The following PTPN12 variants were observed in gnomAD, a reference collection of about 807,000 sequenced individuals.
PTPN12 encodes the protein tyrosine-protein phosphatase non-receptor type 12.
A neutral mutation model predicts 97.6 loss-of-function variants in PTPN12; 29 were observed. The ratio of observed to expected loss-of-function variants is 0.30; its 90% CI spans 0.22 to 0.41. The LOEUF (loss-of-function observed/expected upper bound fraction) is 0.41. PTPN12 is among the 10% of genes least tolerant of loss of function. PTPN12 has a pLI of 1.00. For missense variants in PTPN12, 819 were observed against 926.0 expected (o/e 0.88, Z 1.50); for synonymous variants, 327 against 300.4 (o/e 1.09, Z -0.91).
chr7:77,595,579 CATTA>C (rs1451557712), intron 6 of PTPN12, among the ~76,000 whole-genome samples: 1 of 152,086 alleles, frequency 6.6e-6, no homozygotes, highest in African/African-American at 2.4e-5. Context: ...CATCTATATG[CATTA>C]ATTTATGAAT....
At chr7:77,618,818 G>A (rs1788839739) in intron 12 of PTPN12, among the ~76,000 whole-genome samples, 2 of 152,104 alleles carry the variant, frequency 1.3e-5, no homozygotes, top group South Asian at 2.1e-4. Flanking sequence ...TTTATGTTTT[G>A]ATATGTGATA....
At chr7:77,566,066 G>A (rs1808243213) in intron 1 of PTPN12, among the ~76,000 whole-genome samples, 1 of 152,154 alleles carries the variant, frequency 6.6e-6, no homozygotes, top group South Asian at 2.1e-4. Context: ...AGGAGGGAAG[G>A]TTCAAGAAAG....
chr7:77,625,691 T>C (rs1210694199), intron 12 of PTPN12, among the ~76,000 whole-genome samples: 1 of 142,136 alleles, frequency 7.0e-6, no homozygotes, highest in African/African-American at 2.6e-5. Context: ...TGCCTCAGCC[T>C]CCCAAGTATC....
chr7:77,564,641 A>G (rs1808147722), intron 1 of PTPN12, among the ~76,000 whole-genome samples: 1 of 151,684 alleles, frequency 6.6e-6, no homozygotes, highest in South Asian at 2.1e-4. Context: ...TTTATTTACT[A>G]TACAAAGTAT....
chr7:77,583,119 T>C (rs539875498), intron 3 of PTPN12, among the ~76,000 whole-genome samples: 1 of 152,318 alleles, frequency 6.6e-6, no homozygotes, highest in East Asian at 1.9e-4. Flanking sequence ...AGTAGATGCT[T>C]GATAAACTTT....
intron 5 of PTPN12, among the ~76,000 whole-genome samples, chr7:77,586,369 C>T (rs1365809614): frequency 6.6e-6 from 1 of 152,130 alleles, no homozygotes; most frequent in Non-Finnish European, 1.5e-5. Flanking sequence ...TGATGGCTGC[C>T]GACTGATCAA....
chr7:77,585,839 G>A (rs937605335), intron 5 of PTPN12, among the ~76,000 whole-genome samples: 3 of 152,002 alleles, frequency 2.0e-5, no homozygotes, highest in Non-Finnish European at 4.4e-5. Flanking sequence ...CCACAATAGC[G>A]CAATTCAAAC....
At chr7:77,543,436 A>T (rs1807079063) in intron 1 of PTPN12, among the ~76,000 whole-genome samples, 1 of 149,490 alleles carries the variant, frequency 6.7e-6, no homozygotes, top group Non-Finnish European at 1.5e-5. Flanking sequence ...GGAAGATCTT[A>T]TGTTGCAGTC....
At chr7:77,630,168 T>G (rs533524493) in intron 13 of PTPN12, among the ~76,000 whole-genome samples, 2 of 152,320 alleles carry the variant, frequency 1.3e-5, no homozygotes, top group South Asian at 4.1e-4. Flanking sequence ...TCATTTTTAA[T>G]GTGTTGCCAA....
At chr7:77,558,210 CA>C (rs61149538) in intron 1 of PTPN12, among the ~76,000 whole-genome samples, 42,416 of 92,948 alleles carry the variant, frequency 0.46, 5,661 homozygotes, top group African/African-American at 0.54. Context: ...GACTCCATCT[CA>C]AAAAAAAAAA....
At chr7:77,539,773 C>G (rs1281634685) in intron 1 of PTPN12, among the ~76,000 whole-genome samples, 2 of 152,118 alleles carry the variant, frequency 1.3e-5, no homozygotes, top group Non-Finnish European at 2.9e-5. Flanking sequence ...AGATTATAGG[C>G]ACGTGCCACC....
intron 1 of PTPN12, among the ~76,000 whole-genome samples, chr7:77,551,338 G>C (rs1199048182): frequency 1.3e-5 from 2 of 152,226 alleles, no homozygotes; most frequent in Admixed American, 6.5e-5. Context: ...TGAGATTACA[G>C]GCATGACAGT....
intron 9 of PTPN12, 94 bp from the exon 10 acceptor site, chr7:77,610,671 A>G: frequency 7.9e-7 from 1 of 1,262,170 alleles, no homozygotes; most frequent in East Asian, 2.5e-5. Context: ...GCAGTAAACC[A>G]GCAGGTATTT....
chr7:77,582,821 T>C (rs1787566381), intron 3 of PTPN12, among the ~76,000 whole-genome samples: 1 of 151,854 alleles, frequency 6.6e-6, no homozygotes. Context: ...AAAATTATTA[T>C]CTATGTCAAT....
At chr7:77,585,872 A>G (rs897515852) in intron 5 of PTPN12, among the ~76,000 whole-genome samples, 10 of 152,260 alleles carry the variant, frequency 6.6e-5, no homozygotes, top group African/African-American at 2.2e-4. Flanking sequence ...TTCTTAGTGC[A>G]TATAAAAGTC....
chr7:77,620,213 T>G (rs1011793504), intron 12 of PTPN12, among the ~76,000 whole-genome samples: 7 of 149,292 alleles, frequency 4.7e-5, no homozygotes, highest in Non-Finnish European at 8.8e-5. Flanking sequence ...AGCAGCAGTC[T>G]CTTCTTAATT....
intron 12 of PTPN12, among the ~76,000 whole-genome samples, chr7:77,622,053 C>A (rs753448069): frequency 6.6e-6 from 1 of 152,182 alleles, no homozygotes; most frequent in Non-Finnish European, 1.5e-5. Flanking sequence ...GCCTCGACCT[C>A]AATTGAACCT....
chr7:77,597,424 A>G lies in PTPN12; in HGVS notation c.493-418A>G, dbSNP rs536816854. Among the ~76,000 whole-genome samples, 3 of 152,284 alleles carry G rather than the reference A, an allele frequency of 2.0e-5. No individual in the cohort carries two copies. In the South Asian group the frequency reaches 6.2e-4, roughly 32 times the overall value. On this transcript the variant is annotated intron_variant, in intron 6 of 17. Coordinates refer to ENST00000248594, the MANE Select transcript of PTPN12 (RefSeq NM_002835.4). ...AGGCATGAGCCACTGCTCCCAGCTC[A>G]GAAGTCATATAGTTTGAATCATACA...
chr7:77,571,234 C>A, intron 2 of PTPN12, 48 bp downstream of exon 2: 5 of 1,116,346 alleles, frequency 4.5e-6, no homozygotes, highest in Non-Finnish European at 6.5e-6. Flanking sequence ...GCTAATTAGC[C>A]TTTTGTAACC....
Sources: allele counts gnomAD v4.1 joint callset (sites outside exome capture counted in the v4.1 genomes callset), GRCh38; gene constraint gnomAD v4.1.1; transcripts MANE v1.5; gene names NCBI Gene and HGNC (gene_info 2026-07-23, HGNC 2026-07-21).